The following TAF2 variants were observed in gnomAD, a reference collection of about 807,000 sequenced individuals.
TAF2 encodes the protein TATA-box binding protein associated factor 2.
TAF2 carries 61 observed loss-of-function variants against 138.5 expected under a neutral mutation model. The observed-to-expected ratio is 0.44, with a 90% CI of 0.36 to 0.54. The LOEUF (loss-of-function observed/expected upper bound fraction) is 0.54, where lower values mean the gene tolerates loss of function less well. Among genes scored for constraint, TAF2 ranks in the 20% least tolerant of loss-of-function variants. The pLI is 0.00. For synonymous variants in TAF2, 475 were observed against 469.9 expected, an observed-to-expected ratio of 1.01 and a Z score of -0.14; for missense variants, 1,090 against 1,427.9, an observed-to-expected ratio of 0.76 and a Z score of 3.81.
chr8:119,749,468 C>A (rs1820203252), intron 22 of TAF2, among the ~76,000 whole-genome samples: 2 of 151,968 alleles, frequency 1.3e-5, no homozygotes, highest in South Asian at 4.2e-4. Context: ...AGATAAAAGC[C>A]AAAATTTCAT....
chr8:119,765,122 T>C (rs1343517606), intron 18 of TAF2, among the ~76,000 whole-genome samples: 3 of 152,170 alleles, frequency 2.0e-5, no homozygotes, highest in African/African-American at 7.2e-5. Flanking sequence ...TTAAAGGAGA[T>C]AAATTAAATA....
chr8:119,738,919 A>G (rs946248042), intron 25 of TAF2, among the ~76,000 whole-genome samples: 2 of 152,054 alleles, frequency 1.3e-5, no homozygotes, highest in Non-Finnish European at 2.9e-5. Context: ...GAATTATATC[A>G]TTATAATTTA....
At chr8:119,788,207 T>C in intron 14 of TAF2, 131 bp downstream of exon 14, 2 of 752,706 alleles carry the variant, frequency 2.7e-6, no homozygotes, top group Non-Finnish European at 4.5e-6. Context: ...CTGCATGTTC[T>C]GCACATGTAT....
At chr8:119,745,484 A>G (rs1248348004) in intron 23 of TAF2, among the ~76,000 whole-genome samples, 1 of 152,160 alleles carries the variant, frequency 6.6e-6, no homozygotes, top group Non-Finnish European at 1.5e-5. Context: ...AAGTATGATG[A>G]TACTTCAGAA....
chr8:119,826,337 C>T (rs772354551), intron 2 of TAF2, among the ~76,000 whole-genome samples: 5 of 151,742 alleles, frequency 3.3e-5, no homozygotes, highest in African/African-American at 4.8e-5. Flanking sequence ...TTGCCTGCTG[C>T]CATCCATGTA....
At chr8:119,762,180 C>G (rs1821108797) in intron 19 of TAF2, among the ~76,000 whole-genome samples, 1 of 151,958 alleles carries the variant, frequency 6.6e-6, no homozygotes, top group South Asian at 2.1e-4. Context: ...AAACAGAATA[C>G]AAAACTACAT....
chr8:119,749,327 T>C (rs1028037502), intron 22 of TAF2, among the ~76,000 whole-genome samples: 1 of 152,218 alleles, frequency 6.6e-6, no homozygotes, highest in African/African-American at 2.4e-5. Flanking sequence ...CACTGTTTTG[T>C]TCCTAAGGGA....
intron 6 of TAF2, among the ~76,000 whole-genome samples, chr8:119,800,956 G>A (rs1248357157): frequency 2.6e-5 from 4 of 152,146 alleles, no homozygotes; most frequent in Admixed American, 2.6e-4. Context: ...TGCTTGGGGA[G>A]GCCTAAAACT....
rs573923439 is a variant in TAF2, at chr8:119,805,444, G to A, written c.418+839C>T. Among the ~76,000 whole-genome samples, 94 of 152,156 alleles carry A rather than the reference G, an allele frequency of 6.2e-4. 1 individual carries two copies. In the South Asian group the frequency reaches 0.019, roughly 31 times the overall value. On this transcript the variant is annotated intron_variant, in intron 4 of 25. Transcript: ENST00000378164. ...TTCATGGCCAGGCGCAGTGGCTCACGCCTGTAATCCCAGCACTTTGGGAGG... is the reference window on the plus strand; with the variant it reads ...TTCATGGCCAGGCGCAGTGGCTCACACCTGTAATCCCAGCACTTTGGGAGG...
rs16893214 is a variant in TAF2 at position 119,832,795 on chromosome 8, G to C, written c.-231C>G. ...TTCTGTCACAGAGATGCTCCTCTCC[G>C]CAAGGGCTCGAAGCTACCATCCGCC... On this transcript the variant is annotated 5_prime_UTR_variant, in exon 1 of 26. Transcript: ENST00000378164. The C allele has an allele frequency of 4.1e-4, 205 of 494,040 alleles. No individual in the cohort carries two copies. The highest frequency in any genetic ancestry group is 3.6e-3 in the African/African-American group (186 of 51,654). 30.6% of individuals were successfully genotyped at this position (494,040 alleles called of 1,614,324 possible). A position where few individuals can be genotyped will look rare whatever the true frequency, so the allele number is the denominator to read the frequency against.
intron 9 of TAF2, among the ~76,000 whole-genome samples, chr8:119,794,107 C>T (rs1823645023): frequency 6.6e-6 from 1 of 151,870 alleles, no homozygotes; most frequent in Admixed American, 6.6e-5. Context: ...AGAAAAAAAG[C>T]ATAAGTGAAG....
In TAF2 at chr8:119,746,504, A is replaced by G. The variant is rs546350360; in HGVS notation, c.3108+201T>C. Among the ~76,000 whole-genome samples the G allele has an allele frequency of 6.6e-5, 10 of 152,308 alleles. No homozygotes were observed. The East Asian group carries it at 1.7e-3, about 26-fold the overall frequency. ...CGAGTAACAGGACCGGGAGCACATC[A>G]TTCGTTATGTGCAGTTTTATAGTTG... On this transcript the variant is annotated intron_variant, in intron 23 of 25. Coordinates refer to ENST00000378164, the MANE Select transcript of TAF2 (RefSeq NM_003184.4).
chr8:119,739,468 T>C (rs1453600778), intron 25 of TAF2, among the ~76,000 whole-genome samples: 1 of 152,036 alleles, frequency 6.6e-6, no homozygotes, highest in Non-Finnish European at 1.5e-5. Context: ...TGCCCTAAAA[T>C]ATTCTACTAT....
intron 2 of TAF2, among the ~76,000 whole-genome samples, chr8:119,827,737 T>TC (rs1491057878): frequency 3.5e-5 from 1 of 28,812 alleles, no homozygotes; most frequent in African/African-American, 1.1e-4. Context: ...GGAAGGAATT[T>TC]TTTTTTTTTT....
Position 119,783,450 on chromosome 8 carries a change from G to A in TAF2, c.2043C>T (p.Leu681=). Residue 681 remains leucine (L), a synonymous_variant, in exon 16 of 26, where the codon CTC becomes CTT. Coordinates refer to ENST00000378164, the MANE Select transcript of TAF2 (RefSeq NM_003184.4). ...ACTGCTCTTGTTCTAATATATCAGT[G>A]AGTGCAAGCCGAGATGCTGGAGTAG... ...KFPTPASRLA[L]TDILEQEQCF... 6.2e-7 allele frequency: 1 copy of A among 1,614,112 alleles called. No homozygotes were observed. Among genetic ancestry groups the A allele is most frequent in the Non-Finnish European group, 8.5e-7 (1 of 1,180,014 alleles).
Position 119,731,999 on chromosome 8 carries a change from T to G in TAF2, c.3525A>C (p.Glu1175Asp). The G allele has an allele frequency of 6.2e-7, 1 of 1,614,202 alleles. No individual in the cohort carries two copies. The highest frequency in any genetic ancestry group is 8.5e-7 in the Non-Finnish European group (1 of 1,180,028). ...HKHKHKHDSK[E>D]KDKEPFTFSS... ...AGAAAGTGAAAGGCTCCTTGTCCTTTTCTTTACTGTCATGCTTATGCTTGT... is the reference window on the plus strand; with the variant it reads ...AGAAAGTGAAAGGCTCCTTGTCCTTGTCTTTACTGTCATGCTTATGCTTGT... Residue 1175 changes from glutamate (E) to aspartate (D), a missense_variant, in exon 26 of 26, where the codon GAA becomes GAC. By Grantham distance (45) the Glu-to-Asp change is conservative. Around this residue, in one of 3 missense-constraint regions of TAF2, gnomAD observed 580 missense variants for 719.6 expected, o/e 0.81. Coordinates refer to ENST00000378164, the MANE Select transcript of TAF2 (RefSeq NM_003184.4).
intron 2 of TAF2, among the ~76,000 whole-genome samples, chr8:119,823,756 G>A (rs1300488330): frequency 6.6e-6 from 1 of 152,220 alleles, no homozygotes; most frequent in Non-Finnish European, 1.5e-5. Flanking sequence ...GAACAGTTTA[G>A]ATGGCTCAGA....
intron 18 of TAF2, among the ~76,000 whole-genome samples, chr8:119,775,401 A>G (rs924744157): frequency 2.0e-5 from 3 of 151,978 alleles, no homozygotes; most frequent in African/African-American, 7.2e-5. Context: ...GCAGGCCAAC[A>G]CAATTTAAAG....
chr8:119,778,172 C>A, intron 17 of TAF2, 43 bp from the exon 18 acceptor site: 1 of 1,135,212 alleles, frequency 8.8e-7, no homozygotes, highest in Non-Finnish European at 1.3e-6. Flanking sequence ...CAGAACCTAA[C>A]TTTTTGTTAC....
Sources: gnomAD v4.1 joint callset for allele counts (sites outside exome capture counted in the v4.1 genomes callset) on GRCh38, gnomAD v4.1.1 for gene constraint, gnomAD v4.1.1 regional missense constraint, MANE v1.5 for transcripts, NCBI Gene and HGNC (gene_info 2026-07-23, HGNC 2026-07-21) for gene names.